The following RGS10 variants were observed in gnomAD, a reference collection of about 807,000 sequenced individuals.
RGS10 encodes regulator of G-protein signalling 10.
A neutral mutation model predicts 23.5 loss-of-function variants in RGS10; 11 were observed. That is an observed-to-expected ratio of 0.47 (90% CI 0.29 to 0.77). The LOEUF (loss-of-function observed/expected upper bound fraction) is 0.77. Ranked by LOEUF, RGS10 falls within the 30% of genes least tolerant of loss-of-function variation. RGS10 has a pLI of 0.08. For missense variants in RGS10, 180 were observed against 226.3 expected (o/e 0.80, Z 1.31); for synonymous variants, 77 against 83.2 (o/e 0.92, Z 0.41).
At chr10:119,528,185 C>T (rs1422777769) in intron 1 of RGS10, among the ~76,000 whole-genome samples, 4 of 152,072 alleles carry the variant, frequency 2.6e-5, no homozygotes, top group South Asian at 4.2e-4. Flanking sequence ...TGATTCCCAC[C>T]GCACCCAGCT....
chr10:119,518,255 G>A (rs1490900802), intron 3 of RGS10, among the ~76,000 whole-genome samples: 1 of 152,196 alleles, frequency 6.6e-6, no homozygotes, highest in Non-Finnish European at 1.5e-5. Flanking sequence ...GGACCAGAGA[G>A]CCCCTTTCTC....
chr10:119,517,770 C>G lies in RGS10; in HGVS notation c.256-2118G>C, dbSNP rs1370583320. Among the ~76,000 whole-genome samples, 2 of 152,174 alleles carry G rather than the reference C, an allele frequency of 1.3e-5. No homozygotes were observed. Among genetic ancestry groups the G allele is most frequent in the African/African-American group, 4.8e-5 (2 of 41,432 alleles). ...TGAAATAGAGAAGTGCAATGAATGG[C>G]TTGAGTCTTTGAGGTGGGGCAGAAG... On this transcript the variant is annotated intron_variant, in intron 3 of 4. Transcript: ENST00000369103. The surrounding 1 kb of genome is among the most constrained non-coding windows in gnomAD (Gnocchi z 5.0).
At chr10:119,506,606 G>A (rs1444337214) in intron 4 of RGS10, among the ~76,000 whole-genome samples, 4 of 152,208 alleles carry the variant, frequency 2.6e-5, no homozygotes, top group Admixed American at 1.3e-4. Context: ...CTTTCTGCTG[G>A]GGGTGAAGGC....
At chr10:119,542,477 T>G in intron 1 of RGS10, 113 bp downstream of exon 1, 1 of 929,470 alleles carries the variant, frequency 1.1e-6, no homozygotes, top group South Asian at 3.1e-5. Context: ...CGGCCGGGGC[T>G]CCAGTCTGGG....
At position 119,526,038 on chromosome 10, in the gene RGS10, C is replaced by A. The variant is rs181678543; in HGVS notation, c.249G>T (p.Lys83Asn). ...ACEDFKKMQD[K>N]TQMQEKAKEI... ...ATCAGAGTGGAGGAAATACCTGCGT[C>A]TTATCTTGCATTTTCTTAAAATCTT... Residue 83 changes from lysine to asparagine, a missense_variant, in exon 3 of 5, where the codon AAG (lysine) becomes AAT (asparagine). By Grantham distance (94) the Lys-to-Asn change is moderately conservative. Transcript: ENST00000369103. 4.5e-6 allele frequency: 7 copies of A among 1,555,996 alleles called. No individual in the cohort carries two copies. The East Asian group carries it at 1.4e-4, about 30-fold the overall frequency.
chr10:119,516,717 G>C (rs1297564741), intron 3 of RGS10, among the ~76,000 whole-genome samples: 1 of 152,176 alleles, frequency 6.6e-6, no homozygotes, highest in Non-Finnish European at 1.5e-5. Flanking sequence ...ACTAACCGAG[G>C]CTGGCTCAGG....
intron 4 of RGS10, among the ~76,000 whole-genome samples, chr10:119,513,460 A>C (rs1844100526): frequency 6.6e-6 from 1 of 151,986 alleles, no homozygotes; most frequent in Non-Finnish European, 1.5e-5. Context: ...ATCCTGTCGC[A>C]AAAATAAAAT....
rs1445406491 is a variant in RGS10 at position 119,516,512 on chromosome 10, A to T, written c.256-860T>A. Reference sequence around the variant, plus strand: ...AGGCCTCTGAATTCTGCTCAGTTCCACTTCCGCAAGACACATTGGCCCCTC... The same window carrying T: ...AGGCCTCTGAATTCTGCTCAGTTCCTCTTCCGCAAGACACATTGGCCCCTC... On this transcript the variant is annotated intron_variant, in intron 3 of 4. Coordinates refer to ENST00000369103, the MANE Select transcript of RGS10 (RefSeq NM_001005339.2). The T allele has an allele frequency of 2.0e-5, 3 of 151,924 alleles. No homozygotes were observed. In the East Asian group the frequency reaches 5.8e-4, roughly 29 times the overall value. 9.4% of individuals were successfully genotyped at this position (151,924 alleles called of 1,614,324 possible). A position where few individuals can be genotyped will look rare whatever the true frequency, so the allele number is the denominator to read the frequency against.
At chr10:119,530,151 A>T (rs1844317740) in intron 1 of RGS10, among the ~76,000 whole-genome samples, 1 of 152,196 alleles carries the variant, frequency 6.6e-6, no homozygotes, top group African/African-American at 2.4e-5. Context: ...ATATTTTTTT[A>T]AATAAAGTCT....
chr10:119,501,354 G>A (rs1479833875), intron 4 of RGS10, among the ~76,000 whole-genome samples: 1 of 152,188 alleles, frequency 6.6e-6, no homozygotes, highest in Non-Finnish European at 1.5e-5. Context: ...AGGCGGGGTT[G>A]TCAAGTGGAT....
intron 4 of RGS10, among the ~76,000 whole-genome samples, chr10:119,510,112 G>A (rs1440681589): frequency 1.3e-5 from 2 of 152,152 alleles, no homozygotes; most frequent in African/African-American, 2.4e-5. Flanking sequence ...ACTGGTATGG[G>A]ACGGGCACAG....
chr10:119,502,113 G>T (rs541965687), intron 4 of RGS10, among the ~76,000 whole-genome samples: 2 of 151,464 alleles, frequency 1.3e-5, no homozygotes, highest in South Asian at 4.2e-4. Flanking sequence ...AGGTGTGATT[G>T]TAATTTGCTG....
chr10:119,505,363 G>A (rs3009911), intron 4 of RGS10, among the ~76,000 whole-genome samples: 223 of 144,076 alleles, frequency 1.5e-3, no homozygotes, highest in Middle Eastern at 3.6e-3. Context: ...AGACAGCTGC[G>A]GCTTAGCAAG....
At chr10:119,514,590 G>A (rs946233486) in intron 4 of RGS10, among the ~76,000 whole-genome samples, 6 of 149,470 alleles carry the variant, frequency 4.0e-5, no homozygotes, top group East Asian at 2.0e-4. Flanking sequence ...CCTGGGAGGC[G>A]GAGGTTGCAG....
intron 1 of RGS10, among the ~76,000 whole-genome samples, chr10:119,540,292 C>T (rs558836578): frequency 1.7e-3 from 263 of 152,186 alleles, no homozygotes; most frequent in Middle Eastern, 0.017. Flanking sequence ...ACTCTGTCAC[C>T]CAGGGTGAAG....
At chr10:119,508,483 G>A (rs1045983675) in intron 4 of RGS10, among the ~76,000 whole-genome samples, 1 of 152,180 alleles carries the variant, frequency 6.6e-6, no homozygotes, top group African/African-American at 2.4e-5. Flanking sequence ...ACCATGCTGC[G>A]CTGTATATAG....
chr10:119,525,565 C>A (rs754464524), intron 3 of RGS10, among the ~76,000 whole-genome samples: 3 of 152,196 alleles, frequency 2.0e-5, no homozygotes, highest in Non-Finnish European at 4.4e-5. Context: ...ACACATCTAC[C>A]CAGGAGAACA....
At position 119,542,707 on chromosome 10, in the gene RGS10, G is replaced by GGAGGAGGAGGAGGGC. The variant is rs1427643422; in HGVS notation, c.-70_-69insGCCCTCCTCCTCCTC. On this transcript the variant is annotated 5_prime_UTR_variant, in exon 1 of 5. Coordinates refer to ENST00000369103, the MANE Select transcript of RGS10 (RefSeq NM_001005339.2). ...CGGCGGCTGAGCCGGAGGAAGGCGA[G>GGAGGAGGAGGAGGGC]GAGGAGGAGGAGGGCGAGGAGGAGG... 8.9e-6 allele frequency: 9 copies of GGAGGAGGAGGAGGGC among 1,010,056 alleles called. No homozygotes were observed. Among genetic ancestry groups the GGAGGAGGAGGAGGGC allele is most frequent in the East Asian group, 7.7e-5 (2 of 26,048 alleles). 62.6% of individuals were successfully genotyped at this position (1,010,056 alleles called of 1,614,324 possible). A position where few individuals can be genotyped will look rare whatever the true frequency, so the allele number is the denominator to read the frequency against.
At chr10:119,513,961 C>T (rs1844110579) in intron 4 of RGS10, among the ~76,000 whole-genome samples, 2 of 152,210 alleles carry the variant, frequency 1.3e-5, no homozygotes, top group African/African-American at 4.8e-5. Flanking sequence ...CTCTCTGAAC[C>T]TTGCTTTTCT....
Sources: allele counts gnomAD v4.1 joint callset (sites outside exome capture counted in the v4.1 genomes callset), GRCh38; gene constraint gnomAD v4.1.1; non-coding constraint Gnocchi (gnomAD v3.1); transcripts MANE v1.5; gene names NCBI Gene and HGNC (gene_info 2026-07-23, HGNC 2026-07-21).